NAA20: variants seen among roughly 807,000 people sequenced by gnomAD.
NAA20 encodes the protein N-alpha-acetyltransferase 20, NatB catalytic subunit, also known as N-alpha-acetyltransferase 20.
A neutral mutation model predicts 23.8 loss-of-function variants in NAA20; 24 were observed. The observed-to-expected ratio is 1.01, with a 90% CI of 0.73 to 1.42. The LOEUF is 1.42. Ranked by LOEUF, NAA20 falls within the 40% of genes most tolerant of loss-of-function variation. The probability of loss-of-function intolerance (pLI) is 0.00; values close to 1 mark genes in which losing one functional copy is unlikely to be tolerated. For missense variants in NAA20, 166 were observed against 223.1 expected, an observed-to-expected ratio of 0.74 and a Z score of 1.63; for synonymous variants, 83 against 77.7, an observed-to-expected ratio of 1.07 and a Z score of -0.36.
chr20:20,021,792 C>G (rs1028116156), intron 1 of NAA20, among the ~76,000 whole-genome samples: 1 of 152,114 alleles, frequency 6.6e-6, no homozygotes, highest in Admixed American at 6.5e-5. Flanking sequence ...AATAGTGGCT[C>G]CATTAATTGA....
At chr20:20,018,845 G>A (rs1245553268) in intron 1 of NAA20, 1 of 980,822 alleles carries the variant, frequency 1.0e-6, no homozygotes, top group South Asian at 4.7e-5. Flanking sequence ...CCAAGGCATG[G>A]CAAGCACAAG....
rs140538210 is a variant in NAA20, at chr20:20,017,696, C to T, written c.53+247C>T. 397 of 1,424,696 alleles carry T rather than the reference C, an allele frequency of 2.8e-4. 3 individuals are homozygous for T. In the East Asian group the frequency reaches 9.4e-3, roughly 34 times the overall value. 88.3% of individuals were successfully genotyped at this position (1,424,696 alleles called of 1,614,324 possible). On this transcript the variant is annotated intron_variant, in intron 1 of 5. Transcript: ENST00000334982. ...GAGGTGCTCAAACTTTGTCTCTGGA[C>T]CCTGCGAGCTGGCAGGTTCTGGGGC...
At chr20:20,024,626 C>G (rs1259131566) in intron 2 of NAA20, among the ~76,000 whole-genome samples, 1 of 152,160 alleles carries the variant, frequency 6.6e-6, no homozygotes, top group Non-Finnish European at 1.5e-5. Flanking sequence ...GTGAAAGTCC[C>G]ATAATCCAGG....
rs145567625 is a variant in NAA20 at position 20,026,363 on chromosome 20, T to A, written c.170-421T>A. On this transcript the variant is annotated intron_variant, in intron 3 of 5. Coordinates refer to ENST00000334982, the MANE Select transcript of NAA20 (RefSeq NM_016100.5). ...TTGTTAAATTTCTACATGGTTTATTTAGTACATAATGCAGGCATCATAGCA... is the reference window on the plus strand; with the variant it reads ...TTGTTAAATTTCTACATGGTTTATTAAGTACATAATGCAGGCATCATAGCA... Among the ~76,000 whole-genome samples the A allele has an allele frequency of 5.0e-3, 757 of 152,256 alleles. 5 individuals are homozygous for A. Among genetic ancestry groups the A allele is most frequent in the African/African-American group, 0.017 (722 of 41,554 alleles).
intron 2 of NAA20, 84 bp from the exon 3 acceptor site, chr20:20,025,593 T>G: frequency 1.0e-6 from 1 of 990,146 alleles, no homozygotes; most frequent in African/African-American, 1.6e-5. Context: ...AGTATACTTT[T>G]TAAAGGAAAC....
chr20:20,027,937 T>C (rs6081840), intron 4 of NAA20, among the ~76,000 whole-genome samples: 51,119 of 152,000 alleles, frequency 0.34, 10,324 homozygotes, highest in Non-Finnish European at 0.45. Flanking sequence ...TTCCTAAAAG[T>C]GTGGTAGGAA....
intron 1 of NAA20, chr20:20,018,778 C>T (rs1054789156): frequency 2.3e-6 from 1 of 428,500 alleles, no homozygotes; most frequent in African/African-American, 2.2e-5. Context: ...CGTAATAATC[C>T]AGTTAATCCT....
chr20:20,028,326 C>A (rs1006954492), intron 4 of NAA20, among the ~76,000 whole-genome samples: 1 of 151,898 alleles, frequency 6.6e-6, no homozygotes, highest in African/African-American at 2.4e-5. Flanking sequence ...CATCACACAC[C>A]AGGGCCTGTC....
intron 2 of NAA20, among the ~76,000 whole-genome samples, chr20:20,024,819 G>A (rs1307606186): frequency 6.6e-6 from 1 of 152,106 alleles, no homozygotes; most frequent in Non-Finnish European, 1.5e-5. Context: ...AATAATGATG[G>A]TCCTTCAGAG....
chr20:20,018,970 GCACA>G, intron 1 of NAA20: 1 of 981,662 alleles, frequency 1.0e-6, no homozygotes, highest in Non-Finnish European at 1.2e-6. Context: ...TGTTAGAAAC[GCACA>G]TTCCGTTTGC....
At chr20:20,018,172 C>T in intron 1 of NAA20, 2 of 1,339,404 alleles carry the variant, frequency 1.5e-6, no homozygotes, top group Admixed American at 1.7e-5. Context: ...TCTTTGGATT[C>T]GAGTTAAGGC....
chr20:20,031,190 G>A (rs1218632524), intron 4 of NAA20, among the ~76,000 whole-genome samples: 1 of 152,222 alleles, frequency 6.6e-6, no homozygotes, highest in Non-Finnish European at 1.5e-5. Context: ...TGGGTGATGT[G>A]CCCCTCCAGG....
At chr20:20,027,040 T>A in intron 4 of NAA20, 121 bp downstream of exon 4, 1 of 1,308,468 alleles carries the variant, frequency 7.6e-7, no homozygotes, top group Non-Finnish European at 1.1e-6. Flanking sequence ...CCATCTCCAG[T>A]AGTCCTTAGA....
rs1016357586 is a variant in NAA20, at chr20:20,021,738, TCAGAA to T, written c.54-717_54-713del. ...TCTCAAAGGAGAATTTGACTAGAAA[TCAGAA>T]GAGAACAGTTGAAAAGTAGCTGGTT... is the stretch of plus-strand genomic sequence containing the variant. On this transcript the variant is annotated intron_variant, in intron 1 of 5. Transcript: ENST00000334982. Among the ~76,000 whole-genome samples the T allele has an allele frequency of 4.6e-5, 7 of 152,148 alleles. No individual in the cohort carries two copies. In the Middle Eastern group the frequency reaches 0.01, roughly 222 times the overall value.
intron 1 of NAA20, among the ~76,000 whole-genome samples, chr20:20,022,132 A>G (rs1489147486): frequency 6.6e-6 from 1 of 152,336 alleles, no homozygotes; most frequent in Non-Finnish European, 1.5e-5. Flanking sequence ...TCTCTGCGAG[A>G]TACATCCCTA....
At chr20:20,019,554 A>G (rs926081743) in intron 1 of NAA20, among the ~76,000 whole-genome samples, 7 of 152,222 alleles carry the variant, frequency 4.6e-5, no homozygotes, top group Non-Finnish European at 7.3e-5. Flanking sequence ...CCTCTTCAGA[A>G]GGTGCCAGTA....
chr20:20,031,453 A>C (rs1252959289), intron 4 of NAA20, among the ~76,000 whole-genome samples: 1 of 152,194 alleles, frequency 6.6e-6, no homozygotes, highest in African/African-American at 2.4e-5. Context: ...AAAAACCTAG[A>C]TGTGAAACCA....
chr20:20,023,574 AC>A (rs1171283902), intron 2 of NAA20, among the ~76,000 whole-genome samples: 2 of 152,166 alleles, frequency 1.3e-5, no homozygotes, highest in Non-Finnish European at 2.9e-5. Context: ...GTAACAGATA[AC>A]CCCACATCTC....
chr20:20,033,018 C>T (rs1334590867), intron 5 of NAA20, 84 bp from the exon 6 acceptor site: 1 of 1,102,136 alleles, frequency 9.1e-7, no homozygotes, highest in Non-Finnish European at 1.4e-6. Context: ...GGGATAAAAC[C>T]TCTTATGGGA....
Sources: allele counts gnomAD v4.1 joint callset (sites outside exome capture counted in the v4.1 genomes callset), GRCh38; gene constraint gnomAD v4.1.1; transcripts MANE v1.5; gene names NCBI Gene and HGNC (gene_info 2026-07-23, HGNC 2026-07-21).